Variants in GPC5 observed in about 807,000 individuals in gnomAD.
GPC5 encodes glypican 5.
Under a neutral mutation model 53.9 loss-of-function variants are expected in GPC5, and 47 were observed. That is an observed-to-expected ratio of 0.87 (90% CI 0.69 to 1.11). The LOEUF (loss-of-function observed/expected upper bound fraction) is 1.11. Ranked by LOEUF, GPC5 falls within the 50% of genes most tolerant of loss-of-function variation. GPC5 has a pLI of 0.00. For synonymous variants in GPC5, 286 were observed against 263.3 expected (o/e 1.09, Z -0.84); for missense variants, 748 against 713.1 (o/e 1.05, Z -0.56).
intron 2 of GPC5, among the ~76,000 whole-genome samples, chr13:91,499,526 A>G (rs960903654): frequency 6.6e-6 from 1 of 152,176 alleles, no homozygotes; most frequent in Non-Finnish European, 1.5e-5. Context: ...CTTTCTTAAC[A>G]TTTTAGATTC....
chr13:91,686,885 G>A (rs940388738), intron 2 of GPC5, among the ~76,000 whole-genome samples: 1 of 151,902 alleles, frequency 6.6e-6, no homozygotes, highest in African/African-American at 2.4e-5. Flanking sequence ...GAGTTGTAAT[G>A]CACAAAATGC....
chr13:91,799,754 A>C (rs2038104398), intron 5 of GPC5, among the ~76,000 whole-genome samples: 1 of 152,206 alleles, frequency 6.6e-6, no homozygotes, highest in Admixed American at 6.5e-5. Context: ...TAAAGATAAT[A>C]GGTTGCTTGC....
At chr13:92,475,669 G>A (rs558639195) in intron 7 of GPC5, among the ~76,000 whole-genome samples, 1 of 152,172 alleles carries the variant, frequency 6.6e-6, no homozygotes, top group East Asian at 1.9e-4. Flanking sequence ...AAACAGCATG[G>A]TACTGGTACC....
intron 7 of GPC5, among the ~76,000 whole-genome samples, chr13:92,322,263 G>C (rs1490987186): frequency 7.1e-6 from 1 of 141,450 alleles, no homozygotes; most frequent in African/African-American, 3.0e-5. Flanking sequence ...CCAAGTAGAT[G>C]GTGAATGGGG....
At chr13:92,678,973 C>G (rs1333859738) in intron 7 of GPC5, among the ~76,000 whole-genome samples, 2 of 152,028 alleles carry the variant, frequency 1.3e-5, no homozygotes, top group Admixed American at 1.3e-4. Context: ...CCAAACGTCC[C>G]TATTTAATTA....
Position 92,099,176 on chromosome 13 carries a change from A to T in GPC5, c.1402-45654A>T, listed in dbSNP as rs564074645. Among the ~76,000 whole-genome samples the T allele has an allele frequency of 2.0e-5, 3 of 152,218 alleles. No individual in the cohort carries two copies. The South Asian group carries it at 6.2e-4, about 32-fold the overall frequency. ...GGTAAGTTTCATTATTTTTAACCAG[A>T]GTTTCCCAATATTCTTGAAACTACT... is the stretch of plus-strand genomic sequence containing the variant. On this transcript the variant is annotated intron_variant, in intron 6 of 7. Coordinates refer to ENST00000377067, the MANE Select transcript of GPC5 (RefSeq NM_004466.6).
chr13:91,445,150 A>AT lies in GPC5; in HGVS notation c.164-3605dup, dbSNP rs541365778. Among the ~76,000 whole-genome samples the AT allele has an allele frequency of 2.0e-3, 309 of 152,212 alleles. 2 individuals are homozygous for AT. The highest frequency in any genetic ancestry group is 5.4e-3 in the South Asian group (26 of 4,816). ...ATCTTAGTAAACTCAGCATATCGTT[A>AT]TTTTTTCTTTTCTTAACTGACTTTC... On this transcript the variant is annotated intron_variant, in intron 1 of 7. Transcript: ENST00000377067.
intron 7 of GPC5, among the ~76,000 whole-genome samples, chr13:92,832,273 A>C (rs1001058538): frequency 6.6e-6 from 1 of 152,186 alleles, no homozygotes; most frequent in East Asian, 1.9e-4. Context: ...AAAGATCAAC[A>C]TGGCATTTGT....
intron 7 of GPC5, among the ~76,000 whole-genome samples, chr13:92,527,108 A>AAAAGAAAGAAAGAAAGAAAGAAAG (rs58356455): frequency 2.6e-5 from 1 of 39,060 alleles, no homozygotes; most frequent in African/African-American, 8.0e-5. Context: ...AAAGAAAGAA[A>AAAAGAAAGAAAGAAAGAAAGAAAG]AAAGAAAGAA....
chr13:92,637,109 G>C (rs560687445), intron 7 of GPC5, among the ~76,000 whole-genome samples: 1 of 152,180 alleles, frequency 6.6e-6, no homozygotes, highest in East Asian at 1.9e-4. Flanking sequence ...AAAATTCTTA[G>C]TCTGGAATGT....
chr13:91,929,764 T>C (rs1863571252), intron 6 of GPC5, among the ~76,000 whole-genome samples: 1 of 152,026 alleles, frequency 6.6e-6, no homozygotes, highest in Non-Finnish European at 1.5e-5. Flanking sequence ...TTCAAGAAAT[T>C]GCATTGGTAT....
intron 2 of GPC5, among the ~76,000 whole-genome samples, chr13:91,481,476 T>C (rs1032064647): frequency 6.6e-6 from 1 of 152,214 alleles, no homozygotes; most frequent in Non-Finnish European, 1.5e-5. Flanking sequence ...CAATTTTGTC[T>C]TGTGCCATTA....
At chr13:91,545,939 T>G (rs1402210866) in intron 2 of GPC5, among the ~76,000 whole-genome samples, 2 of 152,152 alleles carry the variant, frequency 1.3e-5, no homozygotes, top group African/African-American at 4.8e-5. Flanking sequence ...TGTCCTTGTA[T>G]TTAGAATAAT....
At chr13:92,808,959 C>G (rs1257690512) in intron 7 of GPC5, among the ~76,000 whole-genome samples, 1 of 152,078 alleles carries the variant, frequency 6.6e-6, no homozygotes, top group African/African-American at 2.4e-5. Context: ...ATACTAGGAG[C>G]TCAGTATTCT....
At chr13:91,991,247 C>T (rs769524011) in intron 6 of GPC5, among the ~76,000 whole-genome samples, 2 of 152,176 alleles carry the variant, frequency 1.3e-5, no homozygotes, top group South Asian at 4.1e-4. Flanking sequence ...TTTGCAGTTT[C>T]CTCGTCTCTA....
At chr13:92,425,087 C>A (rs1022891381) in intron 7 of GPC5, among the ~76,000 whole-genome samples, 1 of 151,948 alleles carries the variant, frequency 6.6e-6, no homozygotes. Flanking sequence ...TAGTTTCTCA[C>A]ATTTAATTTA....
chr13:92,787,420 A>T (rs1268958093), intron 7 of GPC5, among the ~76,000 whole-genome samples: 2 of 152,074 alleles, frequency 1.3e-5, no homozygotes, highest in Admixed American at 6.6e-5. Context: ...ATTTTTAAAG[A>T]TGTAATTATT....
intron 7 of GPC5, among the ~76,000 whole-genome samples, chr13:92,781,531 G>C (rs1297876018): frequency 1.3e-5 from 2 of 152,046 alleles, no homozygotes; most frequent in African/African-American, 4.8e-5. Flanking sequence ...ATATGGGGGA[G>C]CTACTGTCAA....
chr13:92,506,507 A>G (rs1240629847), intron 7 of GPC5, among the ~76,000 whole-genome samples: 1 of 152,176 alleles, frequency 6.6e-6, no homozygotes, highest in African/African-American at 2.4e-5. Context: ...GTAAATTCCA[A>G]ATAAAGCATG....
Sources: gnomAD v4.1 joint callset for allele counts (sites outside exome capture counted in the v4.1 genomes callset) on GRCh38, gnomAD v4.1.1 for gene constraint, MANE v1.5 for transcripts, NCBI Gene and HGNC (gene_info 2026-07-23, HGNC 2026-07-21) for gene names.